Variants in MBLAC2 observed in about 807,000 individuals in gnomAD.
The protein encoded by MBLAC2 is acyl-coenzyme A thioesterase MBLAC2.
A neutral mutation model predicts 23.3 loss-of-function variants in MBLAC2; 24 were observed. The ratio of observed to expected loss-of-function variants is 1.03; its 90% confidence interval spans 0.75 to 1.45. The LOEUF (loss-of-function observed/expected upper bound fraction) is 1.45. MBLAC2 is among the 40% of genes most tolerant of loss of function. The pLI, the probability that MBLAC2 is intolerant of heterozygous loss-of-function variation, is 0.00. For missense variants in MBLAC2, 358 were observed against 370.0 expected (o/e 0.97, Z 0.27); for synonymous variants, 162 against 150.9 (o/e 1.07, Z -0.54).
In MBLAC2 at chr5:90,474,107, G is replaced by C. The variant is rs1203817432; in HGVS notation, c.186C>G (p.Leu62=). The C allele has an allele frequency of 1.3e-6, 2 of 1,577,354 alleles. No homozygotes were observed. The highest frequency in any genetic ancestry group is 2.3e-5 in the East Asian group (1 of 43,314). Residue 62 remains leucine, a synonymous_variant, in exon 1 of 2, where the codon CTC becomes CTG. Transcript: ENST00000316610. ...CCTCTTTGGCCTCTCGGTCCTGCAA[G>C]AGGCCGGAGGAGTACAGGTACTCCG... ...SLPEYLYSSG[L]LQDREAKEDA...
chr5:90,463,805 T>C (rs2151891488), intron 1 of MBLAC2, among the ~76,000 whole-genome samples: 1 of 152,296 alleles, frequency 6.6e-6, no homozygotes, highest in Non-Finnish European at 1.5e-5. Flanking sequence ...AACAGTTGTT[T>C]ATTTGAAAAC....
chr5:90,461,062 A>G lies in MBLAC2; in HGVS notation c.*105T>C, dbSNP rs1561237809. 9 of 882,686 alleles carry G rather than the reference A, an allele frequency of 1.0e-5. No homozygotes were observed. Among genetic ancestry groups the G allele is most frequent in the Non-Finnish European group, 1.3e-5 (8 of 601,164 alleles). 54.7% of individuals were successfully genotyped at this position (882,686 alleles called of 1,614,324 possible). On this transcript the variant is annotated 3_prime_UTR_variant, in exon 2 of 2. Coordinates refer to ENST00000316610, the MANE Select transcript of MBLAC2 (RefSeq NM_203406.2). ...ATTCTCAATCTTTCTCTGATATATAATAGTGGTATAAAAGCACTTCATGAA... is the reference window on the plus strand; with the variant it reads ...ATTCTCAATCTTTCTCTGATATATAGTAGTGGTATAAAAGCACTTCATGAA...
At chr5:90,463,733 T>TTA (rs1273874968) in intron 1 of MBLAC2, among the ~76,000 whole-genome samples, 1 of 151,662 alleles carries the variant, frequency 6.6e-6, no homozygotes, top group East Asian at 1.9e-4. Context: ...TTAATAGAAA[T>TTA]AATAAAGGGC....
At chr5:90,466,932 G>T (rs1056014452) in intron 1 of MBLAC2, among the ~76,000 whole-genome samples, 4 of 152,184 alleles carry the variant, frequency 2.6e-5, no homozygotes, top group African/African-American at 9.7e-5. Context: ...GAGGTCAGGA[G>T]TTCGAGATCA....
chr5:90,474,280 C>T lies in MBLAC2; in HGVS notation c.13G>A (p.Glu5Lys). Residue 5 changes from glutamate to lysine, a missense_variant, in exon 1 of 2, where the codon GAG becomes AAG. Glu to Lys is a moderately conservative substitution (Grantham distance 56). Transcript: ENST00000316610. ...CCTAGAGACTTGTGGGCGTACCACT[C>T]GAGCGCCGACATGCTGGGCAGGGGT... MSAL[E>K]WYAHKSLGDG... 1 of 1,613,084 alleles carries T rather than the reference C, an allele frequency of 6.2e-7. No individual in the cohort carries two copies. The highest frequency in any genetic ancestry group is 1.7e-4 in the Middle Eastern group (1 of 6,054).
chr5:90,472,730 G>A (rs1188511560), intron 1 of MBLAC2: 1 of 152,012 alleles, frequency 6.6e-6, no homozygotes, highest in African/African-American at 2.4e-5. Flanking sequence ...TCACGCTAAA[G>A]GAAAGAAGGG....
At position 90,458,800 on chromosome 5, in the gene MBLAC2, T is replaced by C. The variant is rs555774464; in HGVS notation, c.*2367A>G. On this transcript the variant is annotated 3_prime_UTR_variant, in exon 2 of 2. Coordinates refer to ENST00000316610, the MANE Select transcript of MBLAC2 (RefSeq NM_203406.2). ...GTAAGATTAAATTAAATAATGCATA[T>C]TTTAAATGTACAGCATGGGCACTCA... is the stretch of plus-strand genomic sequence containing the variant. The C allele has an allele frequency of 6.6e-6, 1 of 152,336 alleles. No homozygotes were observed. The highest frequency in any genetic ancestry group is 2.4e-5 in the African/African-American group (1 of 41,570). The allele number at this position is 152,336 out of a possible 1,614,324, so 9.4% of individuals were successfully genotyped here.
At position 90,473,931 on chromosome 5, in the gene MBLAC2, G is replaced by T; in HGVS notation, c.362C>A (p.Ser121Tyr). Residue 121 changes from serine to tyrosine, a missense_variant, in exon 1 of 2, where the codon TCC becomes TAC. Physicochemically the swap from Ser to Tyr is moderately radical, Grantham distance 144 (BLOSUM62 -2). Coordinates refer to ENST00000316610, the MANE Select transcript of MBLAC2 (RefSeq NM_203406.2). ...GGGCGTCCGCACCACCTCGCTATCG[G>T]AAAGCCAGGTCACGGTCTCAAAGTT... is the stretch of plus-strand genomic sequence containing the variant. ...GDNFETVTWLSDSEVVRTPSP... is the reference protein window; with the variant it reads ...GDNFETVTWLYDSEVVRTPSP... 1 of 1,605,444 alleles carries T rather than the reference G, an allele frequency of 6.2e-7. No homozygotes were observed. Among genetic ancestry groups the T allele is most frequent in the South Asian group, 1.1e-5 (1 of 89,454 alleles).
intron 1 of MBLAC2, among the ~76,000 whole-genome samples, chr5:90,469,771 CCT>C (rs1424260692): frequency 1.3e-5 from 2 of 151,968 alleles, no homozygotes; most frequent in African/African-American, 2.4e-5. Context: ...ATGCTTGTAC[CCT>C]GTTAGTGGGG....
Position 90,464,302 on chromosome 5 carries a change from G to A in MBLAC2, c.455-2750C>T, listed in dbSNP as rs899779775. Among the ~76,000 whole-genome samples, 5 of 152,138 alleles carry A rather than the reference G, an allele frequency of 3.3e-5. No individual in the cohort carries two copies. The East Asian group carries it at 7.7e-4, about 23-fold the overall frequency. On this transcript the variant is annotated intron_variant, in intron 1 of 1. Coordinates refer to ENST00000316610, the MANE Select transcript of MBLAC2 (RefSeq NM_203406.2). ...ATAACAACAACATCAGGCCTGGTGC[G>A]GTAGCTCACTCCTGTAATCCCAGCA... is the stretch of plus-strand genomic sequence containing the variant.
intron 1 of MBLAC2, among the ~76,000 whole-genome samples, chr5:90,465,867 CTTAAT>C (rs980903823): frequency 1.3e-5 from 2 of 152,138 alleles, no homozygotes; most frequent in Admixed American, 1.3e-4. Flanking sequence ...ATCCGGTAAT[CTTAAT>C]TTAAATTTGA....
chr5:90,469,935 T>C (rs1750517302), intron 1 of MBLAC2, among the ~76,000 whole-genome samples: 1 of 152,232 alleles, frequency 6.6e-6, no homozygotes, highest in East Asian at 1.9e-4. Context: ...TGCATTCCCA[T>C]GTTTATTGCA....
rs1219321631 is a variant in MBLAC2, at chr5:90,461,518, A to G, written c.489T>C (p.Thr163=). The G allele has an allele frequency of 6.2e-7, 1 of 1,613,018 alleles. No individual in the cohort carries two copies. The highest frequency in any genetic ancestry group is 1.7e-5 in the Admixed American group (1 of 59,864). Residue 163 remains threonine (T), a synonymous_variant, in exon 2 of 2, where the codon ACT becomes ACC. Transcript: ENST00000316610. ...TGGAGTGACCTGGCATGTGCATAACAGTGAGCTGTCTGTCACCAAGGTTGA... is the reference window on the plus strand; with the variant it reads ...TGGAGTGACCTGGCATGTGCATAACGGTGAGCTGTCTGTCACCAAGGTTGA... The part of the protein sequence containing the change: ...DVINLGDRQL[T]VMHMPGHSRG...
At position 90,461,449 on chromosome 5, in the gene MBLAC2, G is replaced by A. The variant is rs748577689; in HGVS notation, c.558C>T (p.Phe186=). Residue 186 remains phenylalanine (F), a synonymous_variant, in exon 2 of 2, where the codon TTC becomes TTT. Transcript: ENST00000316610. The part of the protein sequence containing the change: ...CLHDKDRKIL[F]SGDVVYDGSL... ...ATCCATCATACACGACGTCTCCACT[G>A]AAGAGAATCTTTCGGTCTTTGTCAT... 183 of 1,614,068 alleles carry A rather than the reference G, an allele frequency of 1.1e-4. No homozygotes were observed. The highest frequency in any genetic ancestry group is 1.5e-4 in the Non-Finnish European group (180 of 1,180,028).
intron 1 of MBLAC2, among the ~76,000 whole-genome samples, chr5:90,465,999 A>C (rs1750439817): frequency 6.6e-6 from 1 of 152,242 alleles, no homozygotes. Context: ...TTCACGTGGA[A>C]ATGCAAATGA....
chr5:90,467,111 AAGAG>A lies in MBLAC2; in HGVS notation c.455-5563_455-5560del, dbSNP rs746167051. On this transcript the variant is annotated intron_variant, in intron 1 of 1. Coordinates refer to ENST00000316610, the MANE Select transcript of MBLAC2 (RefSeq NM_203406.2). The stretch of plus-strand genomic sequence containing the variant: ...TGCACCATTGCACTTCAGCCTGGGC[AAGAG>A]AGAGACTCCATCTCAAAAAAGTAAA... 3.5e-4 allele frequency among the ~76,000 whole-genome samples: 53 copies of A among 152,332 alleles called. 1 individual carries two copies. Among genetic ancestry groups the A allele is most frequent in the Admixed American group, 1.5e-3 (23 of 15,288 alleles).
intron 1 of MBLAC2, chr5:90,472,614 G>T (rs931700442): frequency 2.0e-5 from 3 of 151,914 alleles, no homozygotes; most frequent in African/African-American, 7.3e-5. Context: ...TTCATTATTT[G>T]CCATATTGTT....
In MBLAC2 at chr5:90,459,661, G is replaced by A. The variant is rs1272431712; in HGVS notation, c.*1506C>T. 1 of 152,028 alleles carries A rather than the reference G, an allele frequency of 6.6e-6. No homozygotes were observed. Among genetic ancestry groups the A allele is most frequent in the Non-Finnish European group, 1.5e-5 (1 of 67,962 alleles). The allele number at this position is 152,028 out of a possible 1,614,324, so 9.4% of individuals were successfully genotyped here. ...ATACACTATTATTTATATTTTGTGT[G>A]CTTTCGACTTTTAGTTATAATGTTG... On this transcript the variant is annotated 3_prime_UTR_variant, in exon 2 of 2. Coordinates refer to ENST00000316610, the MANE Select transcript of MBLAC2 (RefSeq NM_203406.2).
intron 1 of MBLAC2, among the ~76,000 whole-genome samples, chr5:90,463,316 G>C (rs1393831170): frequency 1.3e-5 from 2 of 152,206 alleles, no homozygotes; most frequent in Admixed American, 6.5e-5. Context: ...TGTTGCCAAG[G>C]CTGGCCTCAA....
Sources: gnomAD v4.1 joint callset for allele counts (sites outside exome capture counted in the v4.1 genomes callset) on GRCh38, gnomAD v4.1.1 for gene constraint, MANE v1.5 for transcripts, NCBI Gene and HGNC (gene_info 2026-07-23, HGNC 2026-07-21) for gene names.